SCAF4: variants seen among roughly 807,000 people sequenced by gnomAD.
SCAF4 encodes SR-related and CTD-associated factor 4.
Under a neutral mutation model 129.8 loss-of-function variants are expected in SCAF4, and 25 were observed. The observed-to-expected ratio is 0.19, with a 90% CI of 0.14 to 0.27. The LOEUF is 0.27. Ranked by LOEUF, SCAF4 falls within the 10% of genes least tolerant of loss-of-function variation. SCAF4 has a pLI of 1.00. For missense variants in SCAF4, 1,246 were observed against 1,457.1 expected (o/e 0.86, Z 2.36); for synonymous variants, 551 against 497.7 (o/e 1.11, Z -1.43).
In SCAF4 at chr21:31,701,259, G is replaced by T. The variant is rs2050524905; in HGVS notation, c.601-88C>A. ...TTTAATAAAAAAATGTCTTAAAGGT[G>T]ATTCAAAGTAGCATAGGCACAGAAC... On this transcript the variant is annotated intron_variant, in intron 6 of 19. Coordinates refer to ENST00000286835, the MANE Select transcript of SCAF4 (RefSeq NM_020706.2). The T allele has an allele frequency of 3.3e-6, 4 of 1,204,448 alleles. No homozygotes were observed. The South Asian group carries it at 5.5e-5, about 17-fold the overall frequency. The allele number at this position is 1,204,448 out of a possible 1,614,324, so 74.6% of individuals were successfully genotyped here.
At chr21:31,722,850 G>A (rs1220236504) in intron 1 of SCAF4, among the ~76,000 whole-genome samples, 2 of 152,154 alleles carry the variant, frequency 1.3e-5, no homozygotes, top group South Asian at 2.1e-4. Context: ...CTAGTCAGGA[G>A]GCTGAGGCAA....
chr21:31,731,772 A>G lies in SCAF4; in HGVS notation c.-80T>C. 6.8e-7 allele frequency: 1 copy of G among 1,480,490 alleles called. No homozygotes were observed. The allele number at this position is 1,480,490 out of a possible 1,614,324, so 91.7% of individuals were successfully genotyped here. A position where few individuals can be genotyped will look rare whatever the true frequency, so the allele number is the denominator to read the frequency against. On this transcript the variant is annotated 5_prime_UTR_variant, in exon 1 of 20. Transcript: ENST00000286835. ...CGCGGCGGAGCGGGGCTGGGAAACC[A>G]GCCGGGCCTGGTGGCCGGGGGGAGG...
chr21:31,680,522 A>C (rs1273177786), intron 19 of SCAF4, among the ~76,000 whole-genome samples: 1 of 152,260 alleles, frequency 6.6e-6, no homozygotes, highest in Non-Finnish European at 1.5e-5. Flanking sequence ...CTTTTATAGG[A>C]TAAGTAAACA....
chr21:31,704,558 A>G (rs570463078), intron 3 of SCAF4, among the ~76,000 whole-genome samples: 2 of 152,050 alleles, frequency 1.3e-5, no homozygotes, highest in African/African-American at 4.8e-5. Flanking sequence ...TAGGTCTAAC[A>G]ACTCAGAAAA....
intron 19 of SCAF4, chr21:31,684,545 A>G (rs540837422): frequency 6.5e-6 from 1 of 154,236 alleles, no homozygotes; most frequent in African/African-American, 2.4e-5. Context: ...TAGAAAACAA[A>G]GCCATTTTAT....
intron 1 of SCAF4, among the ~76,000 whole-genome samples, chr21:31,711,717 T>C (rs764331466): frequency 6.6e-6 from 1 of 152,172 alleles, no homozygotes; most frequent in African/African-American, 2.4e-5. Flanking sequence ...AAAAGGACTG[T>C]ACAGCTATGT....
At chr21:31,692,732 A>G (rs1433069543) in intron 12 of SCAF4, among the ~76,000 whole-genome samples, 3 of 152,216 alleles carry the variant, frequency 2.0e-5, no homozygotes, top group African/African-American at 7.2e-5. Flanking sequence ...CAGGGAAGCA[A>G]TAACTTGCCC....
intron 14 of SCAF4, 27 bp from the exon 15 acceptor site, chr21:31,690,980 A>G: frequency 1.3e-6 from 2 of 1,580,212 alleles, no homozygotes; most frequent in South Asian, 2.3e-5. Context: ...GAAAATATAA[A>G]AAGAAAACAA....
rs1487230731 is a variant in SCAF4, at chr21:31,672,005, C to G, written c.2838G>C (p.Gln946His). The G allele has an allele frequency of 6.2e-7, 1 of 1,612,032 alleles. No individual in the cohort carries two copies. The part of the protein sequence containing the change: ...DRDGRQQPPQ[Q>H]PQQQPQPQAP... ...CCTGCGGCTGTGGCTGCTGCTGTGG[C>G]TGCTGCGGCGGCTGTTGCCTTCCGT... Residue 946 changes from glutamine (Q) to histidine (H), a missense_variant, in exon 20 of 20, where the codon CAG becomes CAC. Gln to His is a conservative substitution (Grantham distance 24). Around this residue, in one of 6 missense-constraint regions of SCAF4, gnomAD observed 339 missense variants for 325.0 expected, o/e 1.04. Transcript: ENST00000286835.
intron 19 of SCAF4, among the ~76,000 whole-genome samples, chr21:31,676,386 G>A (rs1265036832): frequency 3.9e-5 from 6 of 151,978 alleles, no homozygotes; most frequent in Non-Finnish European, 8.8e-5. Flanking sequence ...GCCTCACAAG[G>A]CCCTTCATGT....
chr21:31,680,649 C>A (rs1038439275), intron 19 of SCAF4, among the ~76,000 whole-genome samples: 2 of 152,082 alleles, frequency 1.3e-5, no homozygotes, highest in Non-Finnish European at 1.5e-5. Flanking sequence ...TAAAAAATTA[C>A]GTATTATGTT....
chr21:31,710,411 T>C (rs902934865), intron 1 of SCAF4, among the ~76,000 whole-genome samples: 4 of 152,102 alleles, frequency 2.6e-5, no homozygotes, highest in Admixed American at 6.5e-5. Context: ...TAACTGGGTG[T>C]GGTGGCATGT....
intron 7 of SCAF4, among the ~76,000 whole-genome samples, chr21:31,699,498 AT>A (rs1335343419): frequency 4.1e-4 from 59 of 144,890 alleles, no homozygotes; most frequent in African/African-American, 1.6e-3. Context: ...TTTCTGTATT[AT>A]TTGTTTTTTT....
intron 3 of SCAF4, among the ~76,000 whole-genome samples, chr21:31,704,366 T>C (rs547914213): frequency 3.4e-4 from 51 of 152,194 alleles, no homozygotes; most frequent in African/African-American, 9.9e-4. Flanking sequence ...AAACAAGAAG[T>C]AGTTTTTGGC....
chr21:31,708,541 T>C (rs1352548793), intron 1 of SCAF4, among the ~76,000 whole-genome samples: 2 of 152,132 alleles, frequency 1.3e-5, no homozygotes, highest in Non-Finnish European at 2.9e-5. Context: ...TTATAAAAGG[T>C]ATATTCTGTT....
chr21:31,694,592 A>C (rs774665123), intron 10 of SCAF4, among the ~76,000 whole-genome samples: 1 of 152,242 alleles, frequency 6.6e-6, no homozygotes, highest in Non-Finnish European at 1.5e-5. Flanking sequence ...GCACTAGTTA[A>C]GCCTTCAACA....
intron 19 of SCAF4, among the ~76,000 whole-genome samples, chr21:31,675,118 G>A (rs2049819034): frequency 6.6e-6 from 1 of 152,116 alleles, no homozygotes; most frequent in South Asian, 2.1e-4. Flanking sequence ...TGGTGTGTGT[G>A]GTTCAGAGAA....
chr21:31,678,913 T>C (rs1013098655), intron 19 of SCAF4, among the ~76,000 whole-genome samples: 1 of 152,250 alleles, frequency 6.6e-6, no homozygotes, highest in African/African-American at 2.4e-5. Context: ...AGGTTTTGTT[T>C]TGTTCATTCT....
chr21:31,686,846 G>T (rs1336045955), intron 16 of SCAF4, among the ~76,000 whole-genome samples: 2 of 152,188 alleles, frequency 1.3e-5, no homozygotes, highest in Non-Finnish European at 2.9e-5. Context: ...CTGAGGTGGA[G>T]CAGCTTTATC....
Sources: allele counts gnomAD v4.1 joint callset (sites outside exome capture counted in the v4.1 genomes callset), GRCh38; gene constraint gnomAD v4.1.1; regional missense constraint gnomAD v4.1.1; transcripts MANE v1.5; gene names NCBI Gene and HGNC (gene_info 2026-07-23, HGNC 2026-07-21).